Variants in CADM2 observed in about 807,000 individuals in gnomAD.
CADM2 encodes immunoglobulin superfamily member 4D.
Under a neutral mutation model 49.8 loss-of-function variants are expected in CADM2, and 12 were observed. The ratio of observed to expected loss-of-function variants is 0.24; its 90% CI spans 0.15 to 0.39. The LOEUF is 0.39. Ranked by LOEUF, CADM2 falls within the 10% of genes least tolerant of loss-of-function variation. The pLI is 1.00. For missense variants in CADM2, 378 were observed against 492.3 expected (o/e 0.77, Z 2.20); for synonymous variants, 214 against 175.4 (o/e 1.22, Z -1.74).
At chr3:85,067,535 G>C (rs1364198665) in intron 1 of CADM2, among the ~76,000 whole-genome samples, 1 of 152,120 alleles carries the variant, frequency 6.6e-6, no homozygotes, top group Admixed American at 6.6e-5. Context: ...AGTGGGAACA[G>C]TATGGTATCT....
intron 5 of CADM2, 27 bp from the exon 6 acceptor site, chr3:85,912,346 A>T (rs964975210): frequency 6.4e-7 from 1 of 1,553,318 alleles, no homozygotes; most frequent in Non-Finnish European, 8.8e-7. Context: ...AAGGTGTCAC[A>T]TTTTAAAATT....
At chr3:85,717,333 G>T (rs1577151864) in intron 1 of CADM2, among the ~76,000 whole-genome samples, 1 of 152,182 alleles carries the variant, frequency 6.6e-6, no homozygotes, top group Middle Eastern at 3.4e-3. Context: ...TGTGATTTTT[G>T]CACATTGATT....
At chr3:85,549,009 C>T (rs186334739) in intron 1 of CADM2, among the ~76,000 whole-genome samples, 5 of 152,280 alleles carry the variant, frequency 3.3e-5, no homozygotes, top group East Asian at 1.9e-4. Context: ...ACATAATAGA[C>T]GCCTATACAT....
chr3:85,029,831 C>T (rs1037239462), intron 1 of CADM2, among the ~76,000 whole-genome samples: 6 of 152,282 alleles, frequency 3.9e-5, no homozygotes, highest in African/African-American at 9.6e-5. Context: ...ACTAGTGACA[C>T]TTCTTCTCAT....
chr3:85,423,590 A>T (rs1271813176), intron 1 of CADM2, among the ~76,000 whole-genome samples: 1 of 152,222 alleles, frequency 6.6e-6, no homozygotes, highest in Non-Finnish European at 1.5e-5. Flanking sequence ...TGGTATTATG[A>T]ATCTGCTAGC....
intron 1 of CADM2, among the ~76,000 whole-genome samples, chr3:85,714,215 T>G (rs1376708478): frequency 7.2e-5 from 11 of 152,156 alleles, no homozygotes; most frequent in Non-Finnish European, 4.4e-5. Flanking sequence ...GCACAGCTTT[T>G]CCAGAATTGA....
chr3:85,712,405 C>A (rs2067144855), intron 1 of CADM2, among the ~76,000 whole-genome samples: 1 of 152,070 alleles, frequency 6.6e-6, no homozygotes, highest in South Asian at 2.1e-4. Flanking sequence ...TCCCCTCTAC[C>A]CTTTGTTATC....
intron 1 of CADM2, among the ~76,000 whole-genome samples, chr3:85,365,573 GATTTTTTATGTATGTCATATCATTAAA>G (rs1327122200): frequency 6.6e-6 from 1 of 151,942 alleles, no homozygotes; most frequent in Non-Finnish European, 1.5e-5. Context: ...ATCCACTCCT[GATTTTTTATGTATGTCATATCATTAAA>G]ATGACAAGCC....
At chr3:85,383,023 GT>G (rs1392980662) in intron 1 of CADM2, among the ~76,000 whole-genome samples, 1 of 152,080 alleles carries the variant, frequency 6.6e-6, no homozygotes, top group African/African-American at 2.4e-5. Context: ...GTACACTACT[GT>G]AACAATAGCT....
intron 5 of CADM2, among the ~76,000 whole-genome samples, chr3:85,888,942 A>T (rs902918341): frequency 6.6e-6 from 1 of 152,108 alleles, no homozygotes; most frequent in African/African-American, 2.4e-5. Context: ...ATATCACTTG[A>T]CACGTTTTAA....
intron 1 of CADM2, among the ~76,000 whole-genome samples, chr3:85,594,307 T>G: frequency 6.6e-6 from 1 of 151,950 alleles, no homozygotes; most frequent in East Asian, 1.9e-4. Flanking sequence ...AAATTAGGGT[T>G]AATAAAATAT....
intron 1 of CADM2, among the ~76,000 whole-genome samples, chr3:85,016,791 T>TAA (rs370640408): frequency 0.02 from 2,850 of 144,844 alleles, 85 homozygotes; most frequent in African/African-American, 0.068. Flanking sequence ...AGTCTCCATC[T>TAA]AAAAAAAAAA....
intron 1 of CADM2, among the ~76,000 whole-genome samples, chr3:85,345,013 G>T (rs2030432861): frequency 6.6e-6 from 1 of 152,006 alleles, no homozygotes; most frequent in Non-Finnish European, 1.5e-5. Context: ...TATCAAGCAT[G>T]ATGTAATTTG....
At chr3:85,103,323 T>G (rs1048766102) in intron 1 of CADM2, among the ~76,000 whole-genome samples, 9 of 152,068 alleles carry the variant, frequency 5.9e-5, no homozygotes, top group Admixed American at 5.2e-4. Flanking sequence ...ATAAAAAAAT[T>G]TAGTGTAACC....
At chr3:85,008,480 T>G (rs1179438503) in intron 1 of CADM2, among the ~76,000 whole-genome samples, 2 of 152,116 alleles carry the variant, frequency 1.3e-5, no homozygotes, top group Admixed American at 6.6e-5. Context: ...CATGGCTACT[T>G]ACTCATGGAC....
chr3:85,920,916 TATC>T (rs1404395921), intron 6 of CADM2, among the ~76,000 whole-genome samples: 36 of 151,758 alleles, frequency 2.4e-4, no homozygotes, highest in African/African-American at 8.2e-4. Flanking sequence ...TAATTAAGCT[TATC>T]ATCAAGTACG....
chr3:85,430,205 G>C (rs560923103), intron 1 of CADM2, among the ~76,000 whole-genome samples: 1 of 152,296 alleles, frequency 6.6e-6, no homozygotes, highest in South Asian at 2.1e-4. Context: ...AGGTACTTCA[G>C]AAAGACTAGG....
chr3:85,990,041 A>AAAAAAAAG (rs1559786301), intron 8 of CADM2, among the ~76,000 whole-genome samples: 2 of 149,078 alleles, frequency 1.3e-5, no homozygotes, highest in African/African-American at 5.0e-5. Flanking sequence ...AAAAAAAAAA[A>AAAAAAAAG]AAAGAAGACT....
intron 1 of CADM2, among the ~76,000 whole-genome samples, chr3:85,282,268 CTT>C (rs563039552): frequency 1.9e-5 from 2 of 106,454 alleles, no homozygotes; most frequent in Non-Finnish European, 3.6e-5. Flanking sequence ...TTTTTTTTGC[CTT>C]TTTTTTTTTT....
Sources: allele counts gnomAD v4.1 joint callset (sites outside exome capture counted in the v4.1 genomes callset), GRCh38; gene constraint gnomAD v4.1.1; transcripts MANE v1.5; gene names NCBI Gene and HGNC (gene_info 2026-07-23, HGNC 2026-07-21).